The following KANK1 variants were observed in gnomAD, a reference collection of about 807,000 sequenced individuals.
The protein encoded by KANK1 is KN motif and ankyrin repeat domains 1.
A neutral mutation model predicts 106.2 loss-of-function variants in KANK1; 109 were observed. The observed-to-expected ratio is 1.03, with a 90% confidence interval of 0.88 to 1.20. The LOEUF is 1.20. KANK1 is among the 50% of genes most tolerant of loss of function. The probability of loss-of-function intolerance (pLI) is 0.00; values close to 1 mark genes in which losing one functional copy is unlikely to be tolerated. For missense variants in KANK1, 2,399 were observed against 1,710.7 expected (o/e 1.40, Z -7.10); for synonymous variants, 873 against 652.2 (o/e 1.34, Z -5.16).
At position 711,067 on chromosome 9, in the gene KANK1, A is replaced by C. The variant is rs1257119675; in HGVS notation, c.301A>C (p.Lys101Gln). Residue 101 changes from lysine to glutamine, a missense_variant, in exon 3 of 12, where the codon AAG becomes CAG. Transcript: ENST00000382297. Reference protein sequence around the residue: ...SLSSSNSDDNKQCPNFLIARS... With the variant: ...SLSSSNSDDNQQCPNFLIARS... The stretch of plus-strand genomic sequence containing the variant: ...CTCATCCTCCAACAGTGATGACAAC[A>C]AGCAGTGCCCCAACTTCCTCATAGC... 1.2e-6 allele frequency: 2 copies of C among 1,614,012 alleles called. No individual in the cohort carries two copies. The highest frequency in any genetic ancestry group is 1.7e-6 in the Non-Finnish European group (2 of 1,180,014).
intron 1 of KANK1, among the ~76,000 whole-genome samples, chr9:665,924 A>C (rs1844456896): frequency 2.0e-5 from 3 of 152,164 alleles, no homozygotes; most frequent in Non-Finnish European, 4.4e-5. Context: ...TGACACCTGC[A>C]ATCCCAACAC....
chr9:661,319 C>T (rs1227637273), intron 1 of KANK1, among the ~76,000 whole-genome samples: 2 of 151,054 alleles, frequency 1.3e-5, no homozygotes, highest in Non-Finnish European at 3.0e-5. Flanking sequence ...GTTCACCGCC[C>T]TGTGTCCAAG....
chr9:523,975 C>T (rs865940779), intron 1 of KANK1, among the ~76,000 whole-genome samples: 2 of 151,660 alleles, frequency 1.3e-5, no homozygotes, highest in South Asian at 2.1e-4. Context: ...GCTCCTAGAA[C>T]GGAACTGGAA....
Position 736,513 on chromosome 9 carries a change from G to T in KANK1, c.3333+1678G>T, listed in dbSNP as rs554445064. 2.0e-4 allele frequency among the ~76,000 whole-genome samples: 31 copies of T among 152,106 alleles called. No individual in the cohort carries two copies. The East Asian group carries it at 5.8e-3, about 29-fold the overall frequency. On this transcript the variant is annotated intron_variant, in intron 7 of 11. Transcript: ENST00000382297. ...AGCCCAGGAGTTCAGTTTGAGACCAGCCTGGGCAACATGGCAAAACCCTGT... is the reference window on the plus strand; with the variant it reads ...AGCCCAGGAGTTCAGTTTGAGACCATCCTGGGCAACATGGCAAAACCCTGT...
At chr9:579,852 C>G (rs1821566491) in intron 1 of KANK1, among the ~76,000 whole-genome samples, 1 of 152,150 alleles carries the variant, frequency 6.6e-6, no homozygotes, top group South Asian at 2.1e-4. Flanking sequence ...GGAGGTTGGA[C>G]CTGAAAAACC....
chr9:716,608 C>T (rs866111409), intron 3 of KANK1, among the ~76,000 whole-genome samples: 5 of 152,146 alleles, frequency 3.3e-5, no homozygotes, highest in East Asian at 1.9e-4. Context: ...AGTATATTAG[C>T]GGCCAATCCA....
chr9:623,692 G>C (rs559320803), intron 1 of KANK1, among the ~76,000 whole-genome samples: 2 of 151,816 alleles, frequency 1.3e-5, no homozygotes, highest in South Asian at 2.1e-4. Context: ...ACCACAATGA[G>C]ATATTATCTC....
At chr9:588,315 A>G (rs1367035231) in intron 1 of KANK1, among the ~76,000 whole-genome samples, 1 of 152,152 alleles carries the variant, frequency 6.6e-6, no homozygotes. Flanking sequence ...TTAGACATTT[A>G]TATTGTTTCT....
At chr9:651,376 G>C (rs769424952) in intron 1 of KANK1, among the ~76,000 whole-genome samples, 2 of 152,148 alleles carry the variant, frequency 1.3e-5, no homozygotes, top group East Asian at 3.8e-4. Flanking sequence ...AGAGTTGGCT[G>C]TGTTAATTTC....
chr9:495,261 G>C (rs2058439471), intron 3 of KANK1: 1 of 152,190 alleles, frequency 6.6e-6, no homozygotes. Flanking sequence ...TCCTCTGGCT[G>C]TCCTTTGTCA....
intron 1 of KANK1, among the ~76,000 whole-genome samples, chr9:517,262 C>T (rs2059324515): frequency 6.6e-6 from 1 of 151,634 alleles, no homozygotes; most frequent in African/African-American, 2.4e-5. Flanking sequence ...CACCACCATG[C>T]CTAGCTAATT....
At chr9:640,293 G>A (rs917510267) in intron 1 of KANK1, among the ~76,000 whole-genome samples, 1 of 152,030 alleles carries the variant, frequency 6.6e-6, no homozygotes, top group Non-Finnish European at 1.5e-5. Flanking sequence ...CTGGGCTGGA[G>A]TGTGTGATCT....
chr9:658,963 C>G, intron 1 of KANK1, among the ~76,000 whole-genome samples: 1 of 152,178 alleles, frequency 6.6e-6, no homozygotes, highest in East Asian at 1.9e-4. Flanking sequence ...ATACCCTCAA[C>G]TTCAGTCCTA....
At chr9:526,571 A>C (rs1022458242) in intron 1 of KANK1, among the ~76,000 whole-genome samples, 1 of 151,710 alleles carries the variant, frequency 6.6e-6, no homozygotes, top group African/African-American at 2.4e-5. Context: ...AATTACAAAA[A>C]ATTATTTAAA....
At chr9:479,170 A>C (rs893713199) in intron 3 of KANK1, among the ~76,000 whole-genome samples, 14 of 152,196 alleles carry the variant, frequency 9.2e-5, no homozygotes, top group African/African-American at 3.4e-4. Flanking sequence ...CTCTTTGTAA[A>C]ATTCATCAAA....
chr9:742,333 C>G lies in KANK1; in HGVS notation c.3825C>G (p.Ser1275Arg), dbSNP rs140326298. The part of the protein sequence containing the change: ...DEGSTALMCA[S>R]EHGHVEIVKL... The stretch of plus-strand genomic sequence containing the variant: ...GCTCCACGGCCCTCATGTGTGCCAG[C>G]GAGCACGGACACGTGGAGATTGTCA... Residue 1275 changes from serine (S) to arginine (R), a missense_variant, in exon 10 of 12, where the codon AGC becomes AGG. Coordinates refer to ENST00000382297, the MANE Select transcript of KANK1 (RefSeq NM_015158.5). The G allele has an allele frequency of 6.2e-7, 1 of 1,613,956 alleles. No individual in the cohort carries two copies. The highest frequency in any genetic ancestry group is 8.5e-7 in the Non-Finnish European group (1 of 1,179,998).
intron 1 of KANK1, among the ~76,000 whole-genome samples, chr9:597,795 C>T (rs777064859): frequency 2.0e-5 from 3 of 151,596 alleles, no homozygotes; most frequent in Admixed American, 6.6e-5. Context: ...TCCTGGGTAG[C>T]TGGGATTACA....
intron 2 of KANK1, chr9:677,503 T>A (rs977322548): frequency 2.0e-5 from 3 of 152,454 alleles, no homozygotes; most frequent in African/African-American, 4.8e-5. Context: ...CATAAAGACC[T>A]GTATTTGAAT....
intron 1 of KANK1, among the ~76,000 whole-genome samples, chr9:525,207 C>G (rs1285088301): frequency 6.6e-6 from 1 of 151,428 alleles, no homozygotes; most frequent in East Asian, 1.9e-4. Flanking sequence ...GTTGGCCAGG[C>G]TGGTCTCAAA....
Sources: gnomAD v4.1 joint callset for allele counts (sites outside exome capture counted in the v4.1 genomes callset) on GRCh38, gnomAD v4.1.1 for gene constraint, MANE v1.5 for transcripts, NCBI Gene and HGNC (gene_info 2026-07-23, HGNC 2026-07-21) for gene names.